The following MUC5B variants were observed in gnomAD, a reference collection of about 807,000 sequenced individuals.
The protein encoded by MUC5B is mucin-5B.
In MUC5B, 116 loss-of-function variants were observed where a neutral mutation model predicts 376.9. That is an observed-to-expected ratio of 0.31 (90% CI 0.26 to 0.36). The LOEUF (loss-of-function observed/expected upper bound fraction) is 0.36, where lower values mean the gene tolerates loss of function less well. MUC5B is among the 10% of genes least tolerant of loss of function. MUC5B has a pLI of 1.00. For synonymous variants in MUC5B, 3,517 were observed against 3,390.9 expected (o/e 1.04, Z -1.29); for missense variants, 7,165 against 7,769.9 (o/e 0.92, Z 2.93).
At chr11:1,261,028 G>GC (rs1343909124) in intron 48 of MUC5B, among the ~76,000 whole-genome samples, 1 of 152,242 alleles carries the variant, frequency 6.6e-6, no homozygotes, top group Non-Finnish European at 1.5e-5. Context: ...CTTCTGTGAA[G>GC]CCCCCCATGG....
In MUC5B at chr11:1,243,085, A is replaced by G. The variant is rs749001682; in HGVS notation, c.6205A>G (p.Thr2069Ala). The change falls in exon 31 of 49, where the codon ACG (threonine) becomes GCG (alanine). Residue 2069 changes from threonine (T) to alanine (A), a missense_variant. This residue lies in a region of MUC5B where 897 missense variants were observed against 779.6 expected (regional missense o/e 1.15). Coordinates refer to ENST00000529681, the MANE Select transcript of MUC5B (RefSeq NM_002458.3). ...FTATPSSSPG[T>A]ALTPPVWIST... ...AGCCACCCCCTCCTCCAGCCCAGGG[A>G]CGGCACTCACGCCTCCAGTGTGGAT... The G allele has an allele frequency of 1.2e-6, 2 of 1,611,492 alleles. No homozygotes were observed. Among genetic ancestry groups the G allele is most frequent in the South Asian group, 2.2e-5 (2 of 91,002 alleles).
Position 1,258,106 on chromosome 11 carries a change from C to T in MUC5B, c.16458C>T (p.Asn5486=). 6.3e-7 allele frequency: 1 copy of T among 1,585,898 alleles called. No individual in the cohort carries two copies. The highest frequency in any genetic ancestry group is 8.6e-7 in the Non-Finnish European group (1 of 1,168,404). ...PCCPETVCVC[N]TTTCPQSLPV... is the part of the protein sequence containing the mutation. ...GCCTCCATCCTCCCGCAGTGTGCAACACAACCACCTGCCCCCAGAGCCTGC... is the reference window on the plus strand; with the variant it reads ...GCCTCCATCCTCCCGCAGTGTGCAATACAACCACCTGCCCCCAGAGCCTGC... Residue 5486 remains asparagine (N), a synonymous_variant, in exon 42 of 49, where the codon AAC becomes AAT. Transcript: ENST00000529681. This position sits in a 1 kb window ranked among gnomAD's most constrained non-coding sequence, Gnocchi z 5.5.
Position 1,255,130 on chromosome 11 carries a change from G to T in MUC5B, c.15754G>T (p.Val5252Phe). Residue 5252 changes from valine (V) to phenylalanine (F), a missense_variant, in exon 36 of 49, where the codon GTC becomes TTC. By Grantham distance (50) the Val-to-Phe change is conservative. Transcript: ENST00000529681. ...CAAGGACATGGCCAAGACGTGGCTG[G>T]TCCCCGACAGCAGAAAGGATGGCTG... ...SCKDMAKTWL[V>F]PDSRKDGCWA... 6.3e-7 allele frequency: 1 copy of T among 1,578,136 alleles called. No individual in the cohort carries two copies. The highest frequency in any genetic ancestry group is 2.4e-5 in the East Asian group (1 of 42,500).
Position 1,243,102 on chromosome 11 carries a change from A to G in MUC5B, c.6222A>G (p.Pro2074=), listed in dbSNP as rs764281879. 9.6e-5 allele frequency: 155 copies of G among 1,610,372 alleles called. 1 individual carries two copies. In the Admixed American group the frequency reaches 2.5e-3, roughly 26 times the overall value. Residue 2074 remains proline, a synonymous_variant, in exon 31 of 49, where the codon CCA becomes CCG. Transcript: ENST00000529681. The part of the protein sequence containing the change: ...SSSPGTALTP[P]VWISTTTTPT... Reference sequence around the variant, plus strand: ...GCCCAGGGACGGCACTCACGCCTCCAGTGTGGATCAGCACAACCACCACAC... The same window carrying G: ...GCCCAGGGACGGCACTCACGCCTCCGGTGTGGATCAGCACAACCACCACAC...
Position 1,223,100 on chromosome 11 carries a change from C to A in MUC5B, c.-24C>A. The A allele has an allele frequency of 1.4e-6, 1 of 697,792 alleles. No homozygotes were observed. The highest frequency in any genetic ancestry group is 3.7e-4 in the Middle Eastern group (1 of 2,716). The allele number at this position is 697,792 out of a possible 1,614,324, so 43.2% of individuals were successfully genotyped here. A position where few individuals can be genotyped will look rare whatever the true frequency, so the allele number is the denominator to read the frequency against. ...GGCTCCCTCCCTGCCCGTCCCCGTC[C>A]CCCCACCCGTGCCAGCCCCCAGGAT... On this transcript the variant is annotated 5_prime_UTR_variant, in exon 1 of 49. Coordinates refer to ENST00000529681, the MANE Select transcript of MUC5B (RefSeq NM_002458.3).
rs772413664 is a variant in MUC5B at position 1,242,143 on chromosome 11, A to G, written c.5263A>G (p.Thr1755Ala). 3.7e-6 allele frequency: 6 copies of G among 1,613,288 alleles called. No homozygotes were observed. In the East Asian group the frequency reaches 1.3e-4, roughly 36 times the overall value. ...GCCAACACTCACGAGCGAGCTGTCCACCTCTCAGGCCGAGACCAGCACGCC... is the reference window on the plus strand; with the variant it reads ...GCCAACACTCACGAGCGAGCTGTCCGCCTCTCAGGCCGAGACCAGCACGCC... ...LAPTLTSELS[T>A]SQAETSTPRT... Residue 1755 changes from threonine (T) to alanine (A), a missense_variant, in exon 31 of 49, where the codon ACC becomes GCC. Thr to Ala is a moderately conservative substitution (Grantham distance 58). Transcript: ENST00000529681.
In MUC5B at chr11:1,261,935, C is replaced by T. The variant is rs1052971363; in HGVS notation, c.*327C>T. On this transcript the variant is annotated 3_prime_UTR_variant, in exon 49 of 49. Transcript: ENST00000529681. ...CTATGTGTCCCTGCCACGGCCGGAG[C>T]GCCCGCGCAGCACGGATTCCAGCTG... The T allele has an allele frequency of 1.8e-5, 10 of 543,362 alleles. No individual in the cohort carries two copies. Among genetic ancestry groups the T allele is most frequent in the African/African-American group, 1.1e-4 (6 of 53,446 alleles). 33.7% of individuals were successfully genotyped at this position (543,362 alleles called of 1,614,324 possible).
Position 1,251,439 on chromosome 11 carries a change from T to C in MUC5B, c.14559T>C (p.Thr4853=). ...GTTWILTEPS[T]IATVMVPTGS... The stretch of plus-strand genomic sequence containing the variant: ...CCTGGATCCTCACAGAGCCGAGCAC[T>C]ATAGCCACCGTGATGGTGCCCACCG... Residue 4853 remains threonine (T), a synonymous_variant, in exon 31 of 49, where the codon ACT becomes ACC. Transcript: ENST00000529681. 1 of 1,609,556 alleles carries C rather than the reference T, an allele frequency of 6.2e-7. No individual in the cohort carries two copies. Among genetic ancestry groups the C allele is most frequent in the South Asian group, 1.1e-5 (1 of 90,878 alleles).
Position 1,248,545 on chromosome 11 carries a change from G to C in MUC5B, c.11665G>C (p.Val3889Leu). The C allele has an allele frequency of 6.2e-7, 1 of 1,613,096 alleles. No homozygotes were observed. The highest frequency in any genetic ancestry group is 8.5e-7 in the Non-Finnish European group (1 of 1,179,672). Residue 3889 changes from valine to leucine, a missense_variant, in exon 31 of 49, where the codon GTG becomes CTG. Physicochemically the swap from Val to Leu is conservative, Grantham distance 32. Transcript: ENST00000529681. ...CCCAGGGACGGCACGCACGCCTCCA[G>C]TGTGGATCAGCACAACCACCACACC... Reference protein sequence around the residue: ...SSPGTARTPPVWISTTTTPTT... With the variant: ...SSPGTARTPPLWISTTTTPTT...
chr11:1,243,965 C>T lies in MUC5B; in HGVS notation c.7085C>T (p.Ala2362Val). Reference protein sequence around the residue: ...CEQPLGLECRAQAQPGVPLRE... With the variant: ...CEQPLGLECRVQAQPGVPLRE... ...CAGCCCCTGGGCCTCGAGTGCCGTGCCCAGGCCCAGCCTGGTGTCCCCCTG... is the reference window on the plus strand; with the variant it reads ...CAGCCCCTGGGCCTCGAGTGCCGTGTCCAGGCCCAGCCTGGTGTCCCCCTG... Residue 2362 changes from alanine to valine, a missense_variant, in exon 31 of 49, where the codon GCC becomes GTC. Around this residue, in one of 31 missense-constraint regions of MUC5B, gnomAD observed 25 missense variants for 103.9 expected, o/e 0.24. Transcript: ENST00000529681. 4 of 1,604,926 alleles carry T rather than the reference C, an allele frequency of 2.5e-6. No homozygotes were observed. The highest frequency in any genetic ancestry group is 2.2e-5 in the South Asian group (2 of 90,804).
chr11:1,261,346 C>T (rs777051636), intron 48 of MUC5B, 43 bp from the exon 49 acceptor site: 139 of 1,507,590 alleles, frequency 9.2e-5, no homozygotes, highest in Non-Finnish European at 1.2e-4. Context: ...AGAGAAACGG[C>T]GGGGCCAAGG....
At position 1,250,188 on chromosome 11, in the gene MUC5B, C is replaced by T; in HGVS notation, c.13308C>T (p.Ser4436=). ...CCACTACGACTGCGTCCACTGGATCCACGGCCACCCCGTCCTCCACCCCAG... is the reference window on the plus strand; with the variant it reads ...CCACTACGACTGCGTCCACTGGATCTACGGCCACCCCGTCCTCCACCCCAG... ...TTATTTASTG[S]TATPSSTPGT... The change falls in exon 31 of 49, where the codon TCC becomes TCT. Residue 4436 remains serine, a synonymous_variant. Coordinates refer to ENST00000529681, the MANE Select transcript of MUC5B (RefSeq NM_002458.3). 2 of 1,609,428 alleles carry T rather than the reference C, an allele frequency of 1.2e-6. No homozygotes were observed. Among genetic ancestry groups the T allele is most frequent in the Non-Finnish European group, 1.7e-6 (2 of 1,176,948 alleles).
rs371417464 is a variant in MUC5B at position 1,250,221 on chromosome 11, C to G, written c.13341C>G (p.Thr4447=). 1.1e-3 allele frequency: 1,759 copies of G among 1,608,924 alleles called. 25 individuals carry two copies. The South Asian group carries it at 0.011, about 10-fold the overall frequency. ...TATPSSTPGT[T]WILTEPSTTA... Reference sequence around the variant, plus strand: ...CCCCGTCCTCCACCCCAGGGACCACCTGGATCCTCACAGAGCCGAGCACTA... The same window carrying G: ...CCCCGTCCTCCACCCCAGGGACCACGTGGATCCTCACAGAGCCGAGCACTA... The change falls in exon 31 of 49, where the codon ACC becomes ACG. Residue 4447 remains threonine (T), a synonymous_variant. Transcript: ENST00000529681.
In MUC5B at chr11:1,245,815, T is replaced by C. The variant is rs1287126935; in HGVS notation, c.8935T>C (p.Ser2979Pro). Residue 2979 changes from serine to proline, a missense_variant, in exon 31 of 49, where the codon TCT (serine) becomes CCT (proline). Coordinates refer to ENST00000529681, the MANE Select transcript of MUC5B (RefSeq NM_002458.3). ...GHCPSTPATS[S>P]TATPSSTPGT... ...CTGCCCCAGCACCCCGGCCACCAGCTCTACGGCCACGCCCTCCTCCACTCC... is the reference window on the plus strand; with the variant it reads ...CTGCCCCAGCACCCCGGCCACCAGCCCTACGGCCACGCCCTCCTCCACTCC... The C allele has an allele frequency of 1.9e-6, 3 of 1,613,108 alleles. No individual in the cohort carries two copies. Among genetic ancestry groups the C allele is most frequent in the East Asian group, 2.2e-5 (1 of 44,856 alleles).
chr11:1,232,126 C>G lies in MUC5B; in HGVS notation c.1809C>G (p.Ser603Arg). The change falls in exon 15 of 49, where the codon AGC becomes AGG. Residue 603 changes from serine to arginine, a missense_variant. By Grantham distance (110) the Ser-to-Arg change is moderately radical. Transcript: ENST00000529681. Reference sequence around the variant, plus strand: ...CTGCCTGTGCCAATGCCAGGAACAGCTTTGAGGACCCCTGCTCCCTCAGTG... The same window carrying G: ...CTGCCTGTGCCAATGCCAGGAACAGGTTTGAGGACCCCTGCTCCCTCAGTG... ...AQAACANARN[S>R]FEDPCSLSVE... is the part of the protein sequence containing the mutation. The G allele has an allele frequency of 1.2e-6, 2 of 1,611,830 alleles. No individual in the cohort carries two copies. The highest frequency in any genetic ancestry group is 1.7e-6 in the Non-Finnish European group (2 of 1,179,242).
Position 1,226,962 on chromosome 11 carries a change from TG to T in MUC5B, c.462-60del, listed in dbSNP as rs530098382. On this transcript the variant is annotated intron_variant, in intron 4 of 48. Transcript: ENST00000529681. ...GGCCATGTCTGACCTGGGCCAGGGCTGGGGGGGGGTTGGGTGGGCAGGCAGC... is the reference window on the plus strand; with the variant it reads ...GGCCATGTCTGACCTGGGCCAGGGCTGGGGGGGGTTGGGTGGGCAGGCAGC... 1,408 of 534,068 alleles carry T rather than the reference TG, an allele frequency of 2.6e-3. 4 individuals carry two copies. Among genetic ancestry groups the T allele is most frequent in the Non-Finnish European group, 3.4e-3 (1,021 of 303,230 alleles). 33.1% of individuals were successfully genotyped at this position (534,068 alleles called of 1,614,324 possible).
chr11:1,260,026 G>A lies in MUC5B; in HGVS notation c.16864G>A (p.Gly5622Ser). The change falls in exon 46 of 49, where the codon GGT (glycine) becomes AGT (serine). Residue 5622 changes from glycine (G) to serine (S), a missense_variant. By Grantham distance (56) the Gly-to-Ser change is moderately conservative. Coordinates refer to ENST00000529681, the MANE Select transcript of MUC5B (RefSeq NM_002458.3). ...NCTVYLCEAE[G>S]GVHLLTPQPA... Reference sequence around the variant, plus strand: ...CACCGTGTACCTCTGTGAGGCTGAGGGTGGAGTCCATTTGCTGACCCCACA... The same window carrying A: ...CACCGTGTACCTCTGTGAGGCTGAGAGTGGAGTCCATTTGCTGACCCCACA... 2 of 1,612,836 alleles carry A rather than the reference G, an allele frequency of 1.2e-6. No homozygotes were observed. The highest frequency in any genetic ancestry group is 1.1e-5 in the South Asian group (1 of 91,084).
chr11:1,261,304 C>T, intron 48 of MUC5B, 85 bp from the exon 49 acceptor site: 2 of 1,258,850 alleles, frequency 1.6e-6, no homozygotes, highest in East Asian at 2.5e-5. Context: ...TGGCCCAGGA[C>T]CCCAGAGGCC....
Position 1,250,643 on chromosome 11 carries a change from C to T in MUC5B, c.13763C>T (p.Ala4588Val). ...ACCCCCTCCTCCACCCCAGGAACAG[C>T]TCACACTACCAAAGTGCCGACTACC... is the stretch of plus-strand genomic sequence containing the variant. Reference protein sequence around the residue: ...VATPSSTPGTAHTTKVPTTTT... With the variant: ...VATPSSTPGTVHTTKVPTTTT... The change falls in exon 31 of 49, where the codon GCT (alanine) becomes GTT (valine). Residue 4588 changes from alanine (A) to valine (V), a missense_variant. Ala to Val is a moderately conservative substitution (Grantham distance 64). Coordinates refer to ENST00000529681, the MANE Select transcript of MUC5B (RefSeq NM_002458.3). 6.2e-7 allele frequency: 1 copy of T among 1,612,740 alleles called. No homozygotes were observed. Among genetic ancestry groups the T allele is most frequent in the Non-Finnish European group, 8.5e-7 (1 of 1,179,080 alleles).
Sources: gnomAD v4.1 joint callset for allele counts (sites outside exome capture counted in the v4.1 genomes callset) on GRCh38, gnomAD v4.1.1 for gene constraint, gnomAD v4.1.1 regional missense constraint, Gnocchi (gnomAD v3.1) non-coding constraint, MANE v1.5 for transcripts, NCBI Gene and HGNC (gene_info 2026-07-23, HGNC 2026-07-21) for gene names.